Variants in PACRG observed in about 807,000 individuals in gnomAD.
PACRG encodes parkin coregulated.
A neutral mutation model predicts 29.7 loss-of-function variants in PACRG; 29 were observed. That is an observed-to-expected ratio of 0.98 (90% CI 0.73 to 1.33). The LOEUF is 1.33. PACRG is among the 40% of genes most tolerant of loss of function. PACRG has a pLI of 0.00. For missense variants in PACRG, 279 were observed against 316.2 expected (o/e 0.88, Z 0.89); for synonymous variants, 116 against 118.7 (o/e 0.98, Z 0.15).
chr6:162,871,850 G>T (rs1046857050), intron 2 of PACRG, among the ~76,000 whole-genome samples: 1 of 151,738 alleles, frequency 6.6e-6, no homozygotes, highest in South Asian at 2.1e-4. Flanking sequence ...CCTGGGAGGC[G>T]GAGCTTGCAG....
intron 2 of PACRG, among the ~76,000 whole-genome samples, chr6:162,901,545 T>C (rs1162477980): frequency 6.6e-6 from 1 of 152,208 alleles, no homozygotes; most frequent in Non-Finnish European, 1.5e-5. Flanking sequence ...TCCTAATACT[T>C]GTTTTCAAAG....
At chr6:163,153,466 A>T (rs1464610605) in intron 4 of PACRG, among the ~76,000 whole-genome samples, 3 of 152,246 alleles carry the variant, frequency 2.0e-5, no homozygotes. Flanking sequence ...TTCAACAGGC[A>T]ATATTAGGTA....
At chr6:162,796,792 T>C (rs1019916006) in intron 1 of PACRG, among the ~76,000 whole-genome samples, 6 of 152,186 alleles carry the variant, frequency 3.9e-5, no homozygotes, top group Admixed American at 3.3e-4. Flanking sequence ...ATATGTGTTA[T>C]TGACATTCTG....
At chr6:162,921,129 T>A (rs1454030580) in intron 2 of PACRG, among the ~76,000 whole-genome samples, 1 of 152,210 alleles carries the variant, frequency 6.6e-6, no homozygotes. Flanking sequence ...CAAACTCTTG[T>A]TACAAAATAT....
intron 3 of PACRG, among the ~76,000 whole-genome samples, chr6:163,085,561 TCTA>T (rs1813482056): frequency 6.6e-6 from 1 of 152,196 alleles, no homozygotes; most frequent in Non-Finnish European, 1.5e-5. Context: ...AGGGTATCTT[TCTA>T]CTATCTCTTG....
chr6:163,025,596 T>A (rs1206800926), intron 2 of PACRG, among the ~76,000 whole-genome samples: 1 of 152,202 alleles, frequency 6.6e-6, no homozygotes, highest in Non-Finnish European at 1.5e-5. Context: ...TGTTGTGCAA[T>A]TGTGAGAGGA....
intron 2 of PACRG, among the ~76,000 whole-genome samples, chr6:162,972,445 A>G (rs1390680319): frequency 6.6e-6 from 1 of 152,072 alleles, no homozygotes; most frequent in Non-Finnish European, 1.5e-5. Flanking sequence ...CAAAACCCCC[A>G]TAGTCGACTA....
intron 4 of PACRG, among the ~76,000 whole-genome samples, chr6:163,123,096 A>G (rs1420559297): frequency 6.6e-6 from 1 of 152,212 alleles, no homozygotes; most frequent in Admixed American, 6.5e-5. Context: ...CTAACGGAGA[A>G]AAACCCCGTG....
At chr6:162,758,401 T>A (rs576369287) in intron 1 of PACRG, among the ~76,000 whole-genome samples, 104 of 152,330 alleles carry the variant, frequency 6.8e-4, no homozygotes, top group Non-Finnish European at 1.2e-3. Flanking sequence ...TTCTTTTTTC[T>A]TGACTATAGC....
intron 4 of PACRG, among the ~76,000 whole-genome samples, chr6:163,118,324 A>T (rs1816112089): frequency 6.6e-6 from 1 of 152,230 alleles, no homozygotes; most frequent in Admixed American, 6.5e-5. Context: ...CTCCTGAGTG[A>T]TAGTGGCAAT....
chr6:163,216,690 T>A (rs1214634183), intron 4 of PACRG, among the ~76,000 whole-genome samples: 2 of 152,154 alleles, frequency 1.3e-5, no homozygotes, highest in African/African-American at 4.8e-5. Flanking sequence ...CATATGCACA[T>A]GTACACACAA....
chr6:163,056,610 T>G (rs1482716150), intron 2 of PACRG, among the ~76,000 whole-genome samples: 1 of 152,176 alleles, frequency 6.6e-6, no homozygotes, highest in Non-Finnish European at 1.5e-5. Flanking sequence ...GCAGGACTTA[T>G]GTGCTGTCAG....
chr6:162,817,238 A>G (rs942228357), intron 2 of PACRG, among the ~76,000 whole-genome samples: 1 of 152,030 alleles, frequency 6.6e-6, no homozygotes, highest in African/African-American at 2.4e-5. Flanking sequence ...CTCCTCTTCT[A>G]TTTGTTCTGG....
intron 4 of PACRG, among the ~76,000 whole-genome samples, chr6:163,216,429 A>G (rs1435947735): frequency 6.6e-6 from 1 of 152,232 alleles, no homozygotes; most frequent in Non-Finnish European, 1.5e-5. Context: ...TGCTCTCAAG[A>G]GAAAAGGGGA....
chr6:162,790,158 CT>C (rs1049643339), intron 1 of PACRG, among the ~76,000 whole-genome samples: 11 of 152,104 alleles, frequency 7.2e-5, no homozygotes, highest in Non-Finnish European at 1.6e-4. Context: ...TCTAAAAACA[CT>C]TATTGGAAAA....
At chr6:163,282,361 G>C (rs907930941) in intron 4 of PACRG, among the ~76,000 whole-genome samples, 1 of 152,150 alleles carries the variant, frequency 6.6e-6, no homozygotes, top group Admixed American at 6.6e-5. Context: ...GCTACCTCCT[G>C]TGTCTCCAAT....
intron 2 of PACRG, among the ~76,000 whole-genome samples, chr6:162,987,117 C>A (rs1272467237): frequency 6.6e-6 from 1 of 152,100 alleles, no homozygotes; most frequent in Admixed American, 6.6e-5. Context: ...ACCAGAATGT[C>A]TTTTCTGATT....
intron 2 of PACRG, among the ~76,000 whole-genome samples, chr6:163,046,238 A>G (rs774422384): frequency 5.3e-5 from 8 of 151,090 alleles, no homozygotes; most frequent in Non-Finnish European, 8.8e-5. Flanking sequence ...AGGGCTCATC[A>G]AAGTCCCCCC....
intron 1 of PACRG, among the ~76,000 whole-genome samples, chr6:162,744,641 G>T (rs989386025): frequency 2.6e-5 from 4 of 151,910 alleles, no homozygotes; most frequent in Non-Finnish European, 5.9e-5. Context: ...GTAAGAATTT[G>T]GTCAGTCTTA....
Sources: gnomAD v4.1 joint callset for allele counts (sites outside exome capture counted in the v4.1 genomes callset) on GRCh38, gnomAD v4.1.1 for gene constraint, MANE v1.5 for transcripts, NCBI Gene and HGNC (gene_info 2026-07-23, HGNC 2026-07-21) for gene names.